Variants in SEMA3A observed in about 807,000 individuals in gnomAD.
The protein encoded by SEMA3A is semaphorin-3A.
SEMA3A carries 29 observed loss-of-function variants against 97.9 expected under a neutral mutation model. The observed-to-expected ratio is 0.30, with a 90% CI of 0.22 to 0.40. SEMA3A has a LOEUF of 0.40. SEMA3A is among the 10% of genes least tolerant of loss of function. SEMA3A has a pLI of 1.00. For synonymous variants in SEMA3A, 321 were observed against 323.7 expected (o/e 0.99, Z 0.09); for missense variants, 763 against 951.3 (o/e 0.80, Z 2.60).
chr7:84,488,349 C>CACAT (rs59656940), intron 1 of SEMA3A, among the ~76,000 whole-genome samples: 12 of 145,550 alleles, frequency 8.2e-5, no homozygotes, highest in South Asian at 2.2e-4. Context: ...CACACACACA[C>CACAT]ATATATATAT....
intron 1 of SEMA3A, among the ~76,000 whole-genome samples, chr7:84,436,048 T>C (rs1805119800): frequency 6.6e-6 from 1 of 152,112 alleles, no homozygotes; most frequent in Non-Finnish European, 1.5e-5. Context: ...CTATCTGATG[T>C]TCAAAAAAGT....
At chr7:84,193,635 T>A (rs975379081) in intron 1 of SEMA3A, among the ~76,000 whole-genome samples, 10 of 152,082 alleles carry the variant, frequency 6.6e-5, no homozygotes, top group African/African-American at 2.4e-4. Context: ...TTACACATCA[T>A]CTATCTATAA....
chr7:83,969,556 G>C (rs575811845), intron 15 of SEMA3A, among the ~76,000 whole-genome samples: 1 of 152,120 alleles, frequency 6.6e-6, no homozygotes, highest in Non-Finnish European at 1.5e-5. Flanking sequence ...GAAATCTCAT[G>C]TAACTTTGAC....
At chr7:84,119,228 C>T (rs1301249856) in intron 3 of SEMA3A, among the ~76,000 whole-genome samples, 6 of 152,062 alleles carry the variant, frequency 3.9e-5, no homozygotes, top group Non-Finnish European at 8.8e-5. Context: ...CACATGTATG[C>T]ATACATAATA....
chr7:84,313,144 C>G (rs1169838206), intron 2 of SEMA3A, among the ~76,000 whole-genome samples: 1 of 144,230 alleles, frequency 6.9e-6, no homozygotes, highest in Non-Finnish European at 1.5e-5. Context: ...TGGTCATTTT[C>G]TTTTAAAATA....
chr7:83,995,012 C>A (rs896715728), intron 12 of SEMA3A, among the ~76,000 whole-genome samples: 1 of 152,168 alleles, frequency 6.6e-6, no homozygotes, highest in Non-Finnish European at 1.5e-5. Flanking sequence ...GGGATATAAT[C>A]TCTTGGTGCG....
At chr7:84,088,661 T>C (rs1442924571) in intron 4 of SEMA3A, among the ~76,000 whole-genome samples, 3 of 152,276 alleles carry the variant, frequency 2.0e-5, no homozygotes, top group South Asian at 2.1e-4. Flanking sequence ...GAATCATTAA[T>C]TAACATTTGA....
At chr7:84,427,318 G>C (rs1017103803) in intron 1 of SEMA3A, among the ~76,000 whole-genome samples, 1 of 151,976 alleles carries the variant, frequency 6.6e-6, no homozygotes, top group East Asian at 1.9e-4. Context: ...AATTACAAAG[G>C]CTTGAAACAA....
At chr7:84,051,268 G>C (rs1305240074) in intron 5 of SEMA3A, among the ~76,000 whole-genome samples, 1 of 151,988 alleles carries the variant, frequency 6.6e-6, no homozygotes, top group Non-Finnish European at 1.5e-5. Flanking sequence ...TAGCTTGATG[G>C]GGATGGCATT....
At chr7:84,242,557 T>A (rs1799388859) in intron 3 of SEMA3A, among the ~76,000 whole-genome samples, 1 of 152,208 alleles carries the variant, frequency 6.6e-6, no homozygotes, top group Non-Finnish European at 1.5e-5. Context: ...TATACAATTA[T>A]GTCATCTGCA....
chr7:84,375,334 T>A (rs1803071525), intron 1 of SEMA3A, among the ~76,000 whole-genome samples: 1 of 151,966 alleles, frequency 6.6e-6, no homozygotes, highest in African/African-American at 2.4e-5. Flanking sequence ...AAAGTAATAT[T>A]ATTGAGGGCA....
chr7:84,028,507 A>C (rs566238307), intron 6 of SEMA3A, among the ~76,000 whole-genome samples: 1 of 152,336 alleles, frequency 6.6e-6, no homozygotes, highest in South Asian at 2.1e-4. Flanking sequence ...ATGGTCTTTA[A>C]CATTTTATAA....
chr7:84,405,052 C>T lies in SEMA3A; in HGVS notation c.-245-33152G>A, dbSNP rs191463843. Among the ~76,000 whole-genome samples, 22 of 152,154 alleles carry T rather than the reference C, an allele frequency of 1.4e-4. No homozygotes were observed. The East Asian group carries it at 3.7e-3, about 25-fold the overall frequency. On this transcript the variant is annotated intron_variant, in intron 1 of 3. Coordinates refer to the SEMA3A transcript ENST00000424555. ...CAAATTCACACATAACAATACTAAC[C>T]TTAAATGTAAATGGGCTAAATGCTC...
intron 1 of SEMA3A, among the ~76,000 whole-genome samples, chr7:84,388,481 A>AT (rs1803457797): frequency 6.6e-6 from 1 of 152,034 alleles, no homozygotes; most frequent in South Asian, 2.1e-4. Flanking sequence ...TAATACCATT[A>AT]TTGAATAAAT....
chr7:84,322,949 A>G (rs1801686067), intron 2 of SEMA3A, among the ~76,000 whole-genome samples: 1 of 151,382 alleles, frequency 6.6e-6, no homozygotes, highest in Admixed American at 6.5e-5. Flanking sequence ...CACACTGCCT[A>G]GATTGGAAAC....
At chr7:84,465,104 C>A (rs1403993324) in intron 1 of SEMA3A, among the ~76,000 whole-genome samples, 1 of 152,146 alleles carries the variant, frequency 6.6e-6, no homozygotes, top group Non-Finnish European at 1.5e-5. Flanking sequence ...TATAATTATA[C>A]ATAAATGTGT....
intron 1 of SEMA3A, among the ~76,000 whole-genome samples, chr7:84,148,212 G>A (rs1000790048): frequency 1.3e-5 from 2 of 151,888 alleles, no homozygotes. Context: ...ACCATGCCCT[G>A]GCTCCTTTTT....
chr7:84,259,236 A>G (rs1238926821), intron 3 of SEMA3A, among the ~76,000 whole-genome samples: 1 of 152,124 alleles, frequency 6.6e-6, no homozygotes, highest in African/African-American at 2.4e-5. Context: ...ATGGGATACT[A>G]TTTTTCAATT....
intron 3 of SEMA3A, among the ~76,000 whole-genome samples, chr7:84,127,931 A>G (rs531485871): frequency 2.0e-5 from 3 of 152,116 alleles, no homozygotes; most frequent in Non-Finnish European, 4.4e-5. Context: ...TATTTTAAAC[A>G]TCCCCAAATA....
Sources: gnomAD v4.1 joint callset for allele counts (sites outside exome capture counted in the v4.1 genomes callset) on GRCh38, gnomAD v4.1.1 for gene constraint, MANE v1.5 for transcripts, NCBI Gene and HGNC (gene_info 2026-07-23, HGNC 2026-07-21) for gene names.